Variants in RNF2 observed in about 807,000 individuals in gnomAD.
RNF2 encodes the protein ring finger protein 2.
RNF2 carries 6 observed loss-of-function variants against 37.2 expected under a neutral mutation model. The observed-to-expected ratio is 0.16, with a 90% CI of 0.09 to 0.32. The LOEUF (loss-of-function observed/expected upper bound fraction) is 0.32. RNF2 is among the 10% of genes least tolerant of loss of function. RNF2 has a pLI of 1.00. For missense variants in RNF2, 251 were observed against 404.0 expected, an observed-to-expected ratio of 0.62 and a Z score of 3.25; for synonymous variants, 133 against 132.7, an observed-to-expected ratio of 1.00 and a Z score of -0.02.
intron 4 of RNF2, among the ~76,000 whole-genome samples, chr1:185,094,381 T>A (rs939691387): frequency 2.0e-5 from 3 of 152,160 alleles, no homozygotes; most frequent in Admixed American, 6.5e-5. Flanking sequence ...GACCTTGTGA[T>A]CTGCCTGCCT....
chr1:185,065,640 A>T (rs1650777375), intron 1 of RNF2, among the ~76,000 whole-genome samples: 2 of 152,176 alleles, frequency 1.3e-5, no homozygotes, highest in Admixed American at 1.3e-4. Flanking sequence ...AGTCAGCGAG[A>T]CCACTAACTC....
chr1:185,091,645 C>A lies in RNF2; in HGVS notation c.154C>A (p.Pro52Thr). 1 of 1,613,952 alleles carries A rather than the reference C, an allele frequency of 6.2e-7. No homozygotes were observed. Among genetic ancestry groups the A allele is most frequent in the Non-Finnish European group, 8.5e-7 (1 of 1,179,976 alleles). ...AAGTCTACACAGTGAATTAATGTGC[C>A]CAATTTGTTTGGATATGTTGAAGAA... ...PRSLHSELMCPICLDMLKNTM... is the reference protein window; with the variant it reads ...PRSLHSELMCTICLDMLKNTM... The change falls in exon 3 of 7, where the codon CCA (proline) becomes ACA (threonine). Residue 52 changes from proline to threonine, a missense_variant. This residue lies in a region of RNF2 where 43 missense variants were observed against 82.7 expected (regional missense o/e 0.52). Transcript: ENST00000367510.
chr1:185,076,854 C>T (rs1392542560), intron 1 of RNF2, among the ~76,000 whole-genome samples: 1 of 151,806 alleles, frequency 6.6e-6, no homozygotes, highest in Non-Finnish European at 1.5e-5. Context: ...TTTAAAAATA[C>T]TCTGGGCATT....
At chr1:185,091,024 G>A (rs533473277) in intron 2 of RNF2, among the ~76,000 whole-genome samples, 1 of 152,092 alleles carries the variant, frequency 6.6e-6, no homozygotes, top group East Asian at 1.9e-4. Context: ...AAGAATTTTC[G>A]GGGTTCAAAA....
At chr1:185,080,616 T>C (rs1299247371) in intron 1 of RNF2, among the ~76,000 whole-genome samples, 3 of 152,174 alleles carry the variant, frequency 2.0e-5, no homozygotes, top group Admixed American at 6.5e-5. Flanking sequence ...CCAGAGAACA[T>C]ATTATTGTAA....
intron 4 of RNF2, among the ~76,000 whole-genome samples, chr1:185,095,424 A>T (rs1651884965): frequency 6.6e-6 from 1 of 152,196 alleles, no homozygotes; most frequent in South Asian, 2.1e-4. Context: ...CACATGGCAC[A>T]CTACCTCACT....
At chr1:185,089,990 C>T (rs571594521) in intron 2 of RNF2, among the ~76,000 whole-genome samples, 27 of 152,158 alleles carry the variant, frequency 1.8e-4, no homozygotes, top group African/African-American at 4.1e-4. Flanking sequence ...GGCGTGATCG[C>T]GGCTCACTGC....
intron 1 of RNF2, among the ~76,000 whole-genome samples, chr1:185,059,746 T>G (rs930462034): frequency 6.6e-6 from 1 of 152,228 alleles, no homozygotes; most frequent in African/African-American, 2.4e-5. Context: ...ATAGCATTAT[T>G]TTCCACAACT....
intron 1 of RNF2, among the ~76,000 whole-genome samples, chr1:185,082,900 A>C (rs1379064532): frequency 1.3e-5 from 2 of 152,248 alleles, no homozygotes; most frequent in Non-Finnish European, 2.9e-5. Flanking sequence ...CATTAAAATG[A>C]TGTATAACAT....
At chr1:185,067,321 C>T (rs185206423) in intron 1 of RNF2, among the ~76,000 whole-genome samples, 63 of 152,198 alleles carry the variant, frequency 4.1e-4, no homozygotes, top group Admixed American at 1.6e-3. Flanking sequence ...GAGGTGTTAC[C>T]GCAGGCAGTG....
chr1:185,081,147 TA>T (rs1406066970), intron 1 of RNF2, among the ~76,000 whole-genome samples: 3 of 152,214 alleles, frequency 2.0e-5, no homozygotes, highest in Non-Finnish European at 2.9e-5. Context: ...ACATCTTTAT[TA>T]ATCAAAATAG....
Position 185,098,648 on chromosome 1 carries a change from T to C in RNF2, c.737+304T>C, listed in dbSNP as rs530340974. On this transcript the variant is annotated intron_variant, in intron 5 of 6. Coordinates refer to ENST00000367510, the MANE Select transcript of RNF2 (RefSeq NM_007212.4). Reference sequence around the variant, plus strand: ...CTCATGCTGGCAAGAATGGCTACGTTACCACTGTATCTCCAGCACACTGCT... The same window carrying C: ...CTCATGCTGGCAAGAATGGCTACGTCACCACTGTATCTCCAGCACACTGCT... 4.6e-5 allele frequency among the ~76,000 whole-genome samples: 7 copies of C among 152,370 alleles called. No individual in the cohort carries two copies. The East Asian group carries it at 1.4e-3, about 29-fold the overall frequency.
At position 185,089,030 on chromosome 1, in the gene RNF2, A is replaced by G. The variant is rs1269914877; in HGVS notation, c.87+1390A>G. Among the ~76,000 whole-genome samples, 11 of 112,010 alleles carry G rather than the reference A, an allele frequency of 9.8e-5. No homozygotes were observed. In the South Asian group the frequency reaches 3.1e-3, roughly 32 times the overall value. 73.5% of individuals were successfully genotyped at this position (112,010 alleles called of 152,430 possible). A position where few individuals can be genotyped will look rare whatever the true frequency, so the allele number is the denominator to read the frequency against. The stretch of plus-strand genomic sequence containing the variant: ...TCCCCAGGGACCAGTTTCATGGATG[A>G]TAGTGTTTCCATGGATTGGAGGTGG... On this transcript the variant is annotated intron_variant, in intron 2 of 6. Transcript: ENST00000367510.
intron 1 of RNF2, among the ~76,000 whole-genome samples, chr1:185,052,151 A>G (rs1571291142): frequency 6.6e-6 from 1 of 152,086 alleles, no homozygotes; most frequent in Non-Finnish European, 1.5e-5. Flanking sequence ...TTTCAGACTC[A>G]TTCCTTCCTC....
Position 185,098,269 on chromosome 1 carries a change from A to T in RNF2, c.662A>T (p.Asp221Val), listed in dbSNP as rs1456018986. 2 of 1,614,058 alleles carry T rather than the reference A, an allele frequency of 1.2e-6. No individual in the cohort carries two copies. Among genetic ancestry groups the T allele is most frequent in the African/African-American group, 2.7e-5 (2 of 74,936 alleles). The change falls in exon 5 of 7, where the codon GAT (aspartate) becomes GTT (valine). Residue 221 changes from aspartate to valine, a missense_variant. Physicochemically the swap from Asp to Val is radical, Grantham distance 152. This residue lies in a region of RNF2 where 94 missense variants were observed against 99.2 expected (regional missense o/e 0.95). Coordinates refer to ENST00000367510, the MANE Select transcript of RNF2 (RefSeq NM_007212.4). The part of the protein sequence containing the change: ...NAAMAIDPVM[D>V]GASEIELVFR... ...GCAATGGCAATTGATCCAGTAATGG[A>T]TGGTGCTAGTGAAATTGAATTAGTA... is the stretch of plus-strand genomic sequence containing the variant.
chr1:185,069,296 T>A (rs894577934), intron 1 of RNF2, among the ~76,000 whole-genome samples: 3 of 151,784 alleles, frequency 2.0e-5, no homozygotes, highest in Non-Finnish European at 2.9e-5. Flanking sequence ...CTACAAAAAA[T>A]ACACACAAAA....
chr1:185,090,254 TTTTCCC>T (rs572949545), intron 2 of RNF2, among the ~76,000 whole-genome samples: 154 of 152,182 alleles, frequency 1.0e-3, no homozygotes, highest in Admixed American at 1.5e-3. Context: ...ACCAAGGTGG[TTTTCCC>T]TTTTTCTTTT....
chr1:185,077,624 T>C (rs1262587023), intron 1 of RNF2, among the ~76,000 whole-genome samples: 1 of 148,984 alleles, frequency 6.7e-6, no homozygotes, highest in East Asian at 2.0e-4. Context: ...GAATTAACTT[T>C]GTTTTTTTTT....
intron 4 of RNF2, among the ~76,000 whole-genome samples, chr1:185,095,879 T>C (rs1239265662): frequency 2.0e-5 from 3 of 152,204 alleles, no homozygotes; most frequent in Admixed American, 2.0e-4. Context: ...CATTTCTTTT[T>C]TGTTCCTCAT....
Sources: gnomAD v4.1 joint callset for allele counts (sites outside exome capture counted in the v4.1 genomes callset) on GRCh38, gnomAD v4.1.1 for gene constraint, gnomAD v4.1.1 regional missense constraint, MANE v1.5 for transcripts, NCBI Gene and HGNC (gene_info 2026-07-23, HGNC 2026-07-21) for gene names.